The following HHIPL1 variants were observed in gnomAD, a reference collection of about 807,000 sequenced individuals.
HHIPL1 encodes HHIP like 1, also known as HHIP-like protein 1.
HHIPL1 carries 43 observed loss-of-function variants against 61.8 expected under a neutral mutation model. The ratio of observed to expected loss-of-function variants is 0.70; its 90% CI spans 0.55 to 0.90. HHIPL1 has a LOEUF of 0.90. Among genes scored for constraint, HHIPL1 ranks in the 40% least tolerant of loss-of-function variants. The probability of loss-of-function intolerance (pLI) is 0.00; values close to 1 mark genes in which losing one functional copy is unlikely to be tolerated. For missense variants in HHIPL1, 1,056 were observed against 1,157.7 expected (o/e 0.91, Z 1.28); for synonymous variants, 482 against 515.8 (o/e 0.93, Z 0.89).
intron 3 of HHIPL1, among the ~76,000 whole-genome samples, chr14:99,658,776 G>A (rs1412487178): frequency 6.7e-6 from 1 of 150,198 alleles, no homozygotes; most frequent in South Asian, 2.1e-4. Context: ...CCACCAACCC[G>A]CACGCTGGTG....
the HHIPL1 span, among the ~76,000 whole-genome samples, chr14:99,608,700 G>A: frequency 1.3e-4 from 20 of 152,332 alleles, no homozygotes; most frequent in Admixed American, 3.9e-4. Context: ...TATGGACAAT[G>A]TTGACTGGGC....
the HHIPL1 span, among the ~76,000 whole-genome samples, chr14:99,615,647 G>GAA: frequency 1.1e-3 from 28 of 26,594 alleles, no homozygotes; most frequent in Non-Finnish European, 6.1e-4. Context: ...AAGAAAGGAA[G>GAA]AGAGAGAGAG....
chr14:99,621,729 T>TTC, the HHIPL1 span, among the ~76,000 whole-genome samples: 33 of 140,266 alleles, frequency 2.4e-4, no homozygotes, highest in Non-Finnish European at 1.2e-4. Context: ...TTTTTTTTTT[T>TTC]TTTTGAGACA....
the HHIPL1 span, among the ~76,000 whole-genome samples, chr14:99,637,109 A>G: frequency 9.9e-6 from 1 of 101,346 alleles, no homozygotes; most frequent in African/African-American, 3.1e-5. Context: ...GGAAAAAAGA[A>G]AGAAAGAAAG....
At chr14:99,648,969 C>T (rs139382573) in intron 1 of HHIPL1, among the ~76,000 whole-genome samples, 9 of 152,284 alleles carry the variant, frequency 5.9e-5, no homozygotes, top group Non-Finnish European at 8.8e-5. Flanking sequence ...ATGGCCCGGG[C>T]GGCTGAAGCC....
rs760568900 is a variant in HHIPL1, at chr14:99,652,471, A to C, written c.503A>C (p.Asn168Thr). ...TACCTGCTGGTCAACAAGAACCTCA[A>C]CTCAAACCTGGGCCACGTGGTAGCC... ...FPYLLVNKNL[N>T]SNLGHVVADA... The change falls in exon 2 of 9, where the codon AAC (asparagine) becomes ACC (threonine). Residue 168 changes from asparagine to threonine, a missense_variant. By Grantham distance (65) the Asn-to-Thr change is moderately conservative. Transcript: ENST00000330710. The C allele has an allele frequency of 1.9e-6, 3 of 1,613,948 alleles. No homozygotes were observed. In the South Asian group the frequency reaches 3.3e-5, roughly 18 times the overall value.
chr14:99,626,377 C>G, the HHIPL1 span, among the ~76,000 whole-genome samples: 1 of 152,184 alleles, frequency 6.6e-6, no homozygotes, highest in African/African-American at 2.4e-5. Flanking sequence ...AGGATTCCAG[C>G]TGGATCTTGT....
At position 99,660,242 on chromosome 14, in the gene HHIPL1, G is replaced by T. The variant is rs772137321; in HGVS notation, c.1376-38G>T. On this transcript the variant is annotated intron_variant, in intron 4 of 8. Coordinates refer to ENST00000330710, the MANE Select transcript of HHIPL1 (RefSeq NM_001127258.3). This position sits in a 1 kb window ranked among gnomAD's most constrained non-coding sequence, Gnocchi z 4.9. ...CTCCTGGCTGATGAACCTTCCCGCC[G>T]CTGGCTCACCGAAGCTTCTCTCCCT... The T allele has an allele frequency of 3.1e-6, 5 of 1,610,634 alleles. No individual in the cohort carries two copies. Among genetic ancestry groups the T allele is most frequent in the Non-Finnish European group, 4.2e-6 (5 of 1,178,486 alleles).
chr14:99,636,516 G>T, the HHIPL1 span, among the ~76,000 whole-genome samples: 1 of 152,292 alleles, frequency 6.6e-6, no homozygotes, highest in East Asian at 1.9e-4. Context: ...AGATTGTCAA[G>T]CAGGCAGGAC....
At position 99,659,635 on chromosome 14, in the gene HHIPL1, C is replaced by A; in HGVS notation, c.1254C>A (p.Gly418=). The change falls in exon 4 of 9, where the codon GGC becomes GGA. Residue 418 remains glycine, a synonymous_variant. Transcript: ENST00000330710. ...SGTGRGRLFC[G]DVGQNKFEEV... is the part of the protein sequence containing the mutation. ...CTGGCCGCGGGCGCCTCTTCTGCGG[C>A]GACGTGGGCCAGAACAAGTTCGAGG... is the stretch of plus-strand genomic sequence containing the variant. 1 of 1,551,922 alleles carries A rather than the reference C, an allele frequency of 6.4e-7. No homozygotes were observed. Among genetic ancestry groups the A allele is most frequent in the Non-Finnish European group, 8.7e-7 (1 of 1,153,946 alleles).
chr14:99,633,325 C>T, the HHIPL1 span, among the ~76,000 whole-genome samples: 2 of 152,212 alleles, frequency 1.3e-5, no homozygotes, highest in African/African-American at 4.8e-5. Context: ...GCTGCAGCCT[C>T]GGGGAAGCCA....
chr14:99,627,604 G>T, the HHIPL1 span, among the ~76,000 whole-genome samples: 3 of 152,236 alleles, frequency 2.0e-5, no homozygotes, highest in African/African-American at 7.2e-5. The surrounding 1 kb of genome is among the most constrained non-coding windows in gnomAD (Gnocchi z 4.4). Flanking sequence ...GTGGAGGATG[G>T]GGTAACAAGT....
the HHIPL1 span, among the ~76,000 whole-genome samples, chr14:99,626,692 G>C: frequency 6.6e-6 from 1 of 152,342 alleles, no homozygotes; most frequent in South Asian, 2.1e-4. Flanking sequence ...CTGGGGATCT[G>C]GGCATGGCCA....
intron 2 of HHIPL1, among the ~76,000 whole-genome samples, chr14:99,656,786 G>T (rs56777391): frequency 2.4e-5 from 1 of 41,324 alleles, no homozygotes; most frequent in African/African-American, 1.0e-4. Context: ...AAAAAGAAAA[G>T]AAAAGAAAGA....
chr14:99,651,153 G>GC (rs1458217324), intron 1 of HHIPL1, among the ~76,000 whole-genome samples: 6 of 152,208 alleles, frequency 3.9e-5, no homozygotes, highest in Non-Finnish European at 5.9e-5. Context: ...GGAGGCTGAG[G>GC]CAGGAGCATC....
At chr14:99,622,266 G>A in the HHIPL1 span, among the ~76,000 whole-genome samples, 2 of 152,196 alleles carry the variant, frequency 1.3e-5, no homozygotes, top group African/African-American at 4.8e-5. Flanking sequence ...GATTGAAACA[G>A]GTAGGGATGA....
chr14:99,669,209 G>A, intron 7 of HHIPL1: 1 of 1,225,338 alleles, frequency 8.2e-7, no homozygotes, highest in Non-Finnish European at 1.0e-6. Flanking sequence ...AGGCCGCCCA[G>A]GTGCTGGGAA....
rs1185811260 is a variant in HHIPL1 at position 99,660,276 on chromosome 14, G to A, written c.1376-4G>A. The A allele has an allele frequency of 5.6e-6, 9 of 1,611,958 alleles. No homozygotes were observed. The highest frequency in any genetic ancestry group is 3.3e-4 in the Middle Eastern group (2 of 6,026). Reference sequence around the variant, plus strand: ...CCGAAGCTTCTCTCCCTCCCACCCCGCAGATGACTTGCTGCCGATTTTCGC... The same window carrying A: ...CCGAAGCTTCTCTCCCTCCCACCCCACAGATGACTTGCTGCCGATTTTCGC... On this transcript the variant is annotated splice_region_variant and splice_polypyrimidine_tract_variant and intron_variant, in intron 4 of 8. Transcript: ENST00000330710. The surrounding 1 kb of genome is among the most constrained non-coding windows in gnomAD (Gnocchi z 4.9).
intron 1 of HHIPL1, among the ~76,000 whole-genome samples, chr14:99,650,236 C>A (rs1166931162): frequency 6.6e-6 from 1 of 152,180 alleles, no homozygotes; most frequent in Non-Finnish European, 1.5e-5. Flanking sequence ...CCCCAATCCT[C>A]CCCCAAACGT....
Sources: allele counts gnomAD v4.1 joint callset (sites outside exome capture counted in the v4.1 genomes callset), GRCh38; gene constraint gnomAD v4.1.1; non-coding constraint Gnocchi (gnomAD v3.1); transcripts MANE v1.5; gene names NCBI Gene and HGNC (gene_info 2026-07-23, HGNC 2026-07-21).